The following THSD7B variants were observed in gnomAD, a reference collection of about 807,000 sequenced individuals.
THSD7B encodes the protein thrombospondin type 1 domain containing 7B, also known as thrombospondin type-1 domain-containing protein 7B.
THSD7B carries 138 observed loss-of-function variants against 213.6 expected under a neutral mutation model. The ratio of observed to expected loss-of-function variants is 0.65; its 90% CI spans 0.56 to 0.74. THSD7B has a LOEUF of 0.74. THSD7B is among the 30% of genes least tolerant of loss of function. The pLI, the probability that THSD7B is intolerant of heterozygous loss-of-function variation, is 0.00. For missense variants in THSD7B, 1,931 were observed against 1,991.5 expected, an observed-to-expected ratio of 0.97 and a Z score of 0.58; for synonymous variants, 742 against 687.0, an observed-to-expected ratio of 1.08 and a Z score of -1.25.
At chr2:136,883,407 A>T (rs1683659442) in intron 2 of THSD7B, among the ~76,000 whole-genome samples, 3 of 151,428 alleles carry the variant, frequency 2.0e-5, no homozygotes, top group Admixed American at 1.3e-4. Context: ...TAAAGCCCCT[A>T]TAAATTAATT....
In THSD7B at chr2:137,356,967, G is replaced by GACACACACACACAC. The variant is rs3048465; in HGVS notation, c.2501-48621_2501-48608dup. ...ACACATACACACACACACACACACA[G>GACACACACACACAC]ACACACACACACACACACACACACA... On this transcript the variant is annotated intron_variant, in intron 12 of 27. Transcript: ENST00000409968. 1.2e-4 allele frequency among the ~76,000 whole-genome samples: 17 copies of GACACACACACACAC among 140,974 alleles called. No individual in the cohort carries two copies. The East Asian group carries it at 1.3e-3, about 11-fold the overall frequency. 92.5% of individuals were successfully genotyped at this position (140,974 alleles called of 152,430 possible). A position where few individuals can be genotyped will look rare whatever the true frequency, so the allele number is the denominator to read the frequency against.
intron 2 of THSD7B, among the ~76,000 whole-genome samples, chr2:136,959,762 A>T (rs1011451577): frequency 1.3e-5 from 2 of 152,206 alleles, no homozygotes; most frequent in Non-Finnish European, 2.9e-5. Context: ...TATCATAAAC[A>T]CATAAACATA....
chr2:137,588,117 G>A (rs55943179), intron 17 of THSD7B, among the ~76,000 whole-genome samples: 11,769 of 152,248 alleles, frequency 0.077, 667 homozygotes, highest in Non-Finnish European at 0.12. Context: ...CTCCAAGGGC[G>A]TGGGACCCTC....
chr2:137,297,435 C>G (rs1683493181), intron 12 of THSD7B, among the ~76,000 whole-genome samples: 1 of 147,756 alleles, frequency 6.8e-6, no homozygotes, highest in Admixed American at 6.8e-5. Context: ...AAGGTTTTTT[C>G]TTTCTTTTTT....
At chr2:136,810,147 G>C (rs1023228292) in intron 1 of THSD7B, among the ~76,000 whole-genome samples, 5 of 152,158 alleles carry the variant, frequency 3.3e-5, no homozygotes, top group Admixed American at 1.3e-4. Flanking sequence ...TTCCCTTTCA[G>C]TTTTCACTTG....
intron 15 of THSD7B, among the ~76,000 whole-genome samples, chr2:137,550,091 A>G (rs1382500197): frequency 6.6e-6 from 1 of 152,018 alleles, no homozygotes; most frequent in Non-Finnish European, 1.5e-5. Context: ...TGGAGAAGGC[A>G]TTTTAGACTC....
intron 16 of THSD7B, among the ~76,000 whole-genome samples, chr2:137,566,707 A>T (rs1337092139): frequency 6.6e-6 from 1 of 152,224 alleles, no homozygotes. Context: ...ACTTTGTTAC[A>T]TAAAAATTCA....
At chr2:137,223,930 A>G (rs1681436603) in intron 7 of THSD7B, among the ~76,000 whole-genome samples, 1 of 152,046 alleles carries the variant, frequency 6.6e-6, no homozygotes, top group Non-Finnish European at 1.5e-5. Context: ...TCAGCCCTGT[A>G]AGGTGTGACT....
chr2:137,125,310 G>T (rs1181846051), intron 5 of THSD7B, among the ~76,000 whole-genome samples: 1 of 152,184 alleles, frequency 6.6e-6, no homozygotes, highest in Non-Finnish European at 1.5e-5. Context: ...CCCTGCTGCT[G>T]CTTTTTCAAC....
chr2:137,304,528 A>G (rs1303291666), intron 12 of THSD7B, among the ~76,000 whole-genome samples: 2 of 152,162 alleles, frequency 1.3e-5, no homozygotes, highest in African/African-American at 2.4e-5. Flanking sequence ...AAGGAAATAC[A>G]TCATGGGATA....
At chr2:137,382,121 TA>T (rs1316145025) in intron 12 of THSD7B, among the ~76,000 whole-genome samples, 1 of 152,134 alleles carries the variant, frequency 6.6e-6, no homozygotes, top group African/African-American at 2.4e-5. Context: ...TGGACTTGGC[TA>T]ATGCATTTTT....
At chr2:137,600,032 T>C (rs9287477) in intron 17 of THSD7B, among the ~76,000 whole-genome samples, 43,891 of 152,052 alleles carry the variant, frequency 0.29, 6,793 homozygotes, top group South Asian at 0.41. Flanking sequence ...TCCACCTCCT[T>C]CTCTGCCTCC....
chr2:137,466,260 A>G (rs1413266358), intron 15 of THSD7B, among the ~76,000 whole-genome samples: 1 of 152,132 alleles, frequency 6.6e-6, no homozygotes, highest in Non-Finnish European at 1.5e-5. Context: ...GCTATTATTC[A>G]TTCGTTCTTT....
At chr2:137,410,276 T>A (rs1331401957) in intron 13 of THSD7B, among the ~76,000 whole-genome samples, 1 of 152,074 alleles carries the variant, frequency 6.6e-6, no homozygotes, top group Non-Finnish European at 1.5e-5. Context: ...TTCTTTTTTT[T>A]TTTCTTTTTT....
chr2:137,420,700 A>G (rs537437923), intron 14 of THSD7B, among the ~76,000 whole-genome samples: 27 of 152,348 alleles, frequency 1.8e-4, no homozygotes, highest in African/African-American at 6.5e-4. Flanking sequence ...ATTGTAAATT[A>G]TGCTTATGAA....
intron 15 of THSD7B, among the ~76,000 whole-genome samples, chr2:137,553,812 A>G (rs375209761): frequency 1.3e-5 from 2 of 152,228 alleles, no homozygotes; most frequent in Non-Finnish European, 2.9e-5. Flanking sequence ...TTATAAAACT[A>G]TAATAAGCAC....
chr2:137,453,326 C>CTTTTTTTTTTTTTTTTTTTTTTTTTTTT (rs70978223), intron 15 of THSD7B, among the ~76,000 whole-genome samples: 1 of 96,856 alleles, frequency 1.0e-5, no homozygotes. Flanking sequence ...TTGAAATTTA[C>CTTTTTTTTTTTTTTTTTTTTTTTTTTTT]TTTTTTTTTT....
In THSD7B at chr2:137,328,060, A is replaced by G. The variant is rs140921968; in HGVS notation, c.2500+52034A>G. 7.1e-4 allele frequency among the ~76,000 whole-genome samples: 108 copies of G among 152,330 alleles called. 1 individual carries two copies. In the East Asian group the frequency reaches 0.016, roughly 23 times the overall value. On this transcript the variant is annotated intron_variant, in intron 12 of 27. Coordinates refer to ENST00000409968, the MANE Select transcript of THSD7B (RefSeq NM_001316349.2). ...TTTAGTTTCTTATCAGATTTTTACAAGTAATTGGCATTTTTCACTGCTTCT... is the reference window on the plus strand; with the variant it reads ...TTTAGTTTCTTATCAGATTTTTACAGGTAATTGGCATTTTTCACTGCTTCT...
At chr2:137,661,737 A>G (rs1683347795) in intron 25 of THSD7B, among the ~76,000 whole-genome samples, 1 of 152,058 alleles carries the variant, frequency 6.6e-6, no homozygotes, top group African/African-American at 2.4e-5. Context: ...CTTGGGTTTT[A>G]TATGTTGGCA....
Sources: allele counts gnomAD v4.1 joint callset (sites outside exome capture counted in the v4.1 genomes callset), GRCh38; gene constraint gnomAD v4.1.1; transcripts MANE v1.5; gene names NCBI Gene and HGNC (gene_info 2026-07-23, HGNC 2026-07-21).